The following BANP variants were observed in gnomAD, a reference collection of about 807,000 sequenced individuals.
BANP encodes the protein protein BANP.
In BANP, 11 loss-of-function variants were observed where a neutral mutation model predicts 68.1. The ratio of observed to expected loss-of-function variants is 0.16; its 90% CI spans 0.10 to 0.27. The LOEUF is 0.27. Ranked by LOEUF, BANP falls within the 10% of genes least tolerant of loss-of-function variation. BANP has a pLI of 1.00. For missense variants in BANP, 504 were observed against 722.7 expected, an observed-to-expected ratio of 0.70 and a Z score of 3.47; for synonymous variants, 329 against 303.2, an observed-to-expected ratio of 1.09 and a Z score of -0.88.
chr16:87,954,153 G>T (rs889067588), intron 1 of BANP, among the ~76,000 whole-genome samples: 2 of 152,164 alleles, frequency 1.3e-5, no homozygotes, highest in African/African-American at 4.8e-5. Flanking sequence ...TCTAGGTGGA[G>T]CCCTGGAGTT....
intron 11 of BANP, among the ~76,000 whole-genome samples, chr16:88,065,054 T>A (rs988348608): frequency 3.3e-5 from 5 of 152,200 alleles, no homozygotes; most frequent in African/African-American, 9.7e-5. Flanking sequence ...CTTTTGTTTC[T>A]GTTGTTTTTG....
At chr16:88,007,574 C>G (rs1488931902) in intron 6 of BANP, among the ~76,000 whole-genome samples, 1 of 151,296 alleles carries the variant, frequency 6.6e-6, no homozygotes, top group African/African-American at 2.5e-5. Flanking sequence ...AAGAACCAAA[C>G]AGACTTAGCT....
intron 3 of BANP, among the ~76,000 whole-genome samples, chr16:87,981,827 G>A (rs1299558569): frequency 6.6e-6 from 1 of 152,196 alleles, no homozygotes; most frequent in Admixed American, 6.5e-5. Flanking sequence ...TTTACTAGAT[G>A]GGGTTCTTGG....
chr16:87,991,859 C>A (rs534009994), intron 4 of BANP, among the ~76,000 whole-genome samples: 8 of 152,142 alleles, frequency 5.3e-5, no homozygotes, highest in African/African-American at 1.9e-4. Context: ...AATTTCTATA[C>A]CTTCTCTTAC....
intron 1 of BANP, among the ~76,000 whole-genome samples, chr16:87,954,962 A>G (rs1319481761): frequency 6.6e-6 from 1 of 152,208 alleles, no homozygotes; most frequent in Non-Finnish European, 1.5e-5. Flanking sequence ...GCCGTTCCAC[A>G]GCCGCCTCTG....
chr16:88,071,968 A>G lies in BANP; in HGVS notation c.1378-101A>G. On this transcript the variant is annotated intron_variant, in intron 12 of 13. Coordinates refer to ENST00000682872, the MANE Select transcript of BANP (RefSeq NM_001386991.1). The surrounding 1 kb of genome is among the most constrained non-coding windows in gnomAD (Gnocchi z 6.5). ...GCCGTGTCCCTGCCGCTCAGGGGACAGCACGTGTGGGCTGGGGTCTGCGGT... is the reference window on the plus strand; with the variant it reads ...GCCGTGTCCCTGCCGCTCAGGGGACGGCACGTGTGGGCTGGGGTCTGCGGT... 1.4e-6 allele frequency: 2 copies of G among 1,471,162 alleles called. No homozygotes were observed. The highest frequency in any genetic ancestry group is 9.2e-7 in the Non-Finnish European group (1 of 1,090,212). 91.1% of individuals were successfully genotyped at this position (1,471,162 alleles called of 1,614,324 possible).
chr16:88,001,602 T>C (rs1471501429), intron 4 of BANP, among the ~76,000 whole-genome samples: 1 of 152,280 alleles, frequency 6.6e-6, no homozygotes, highest in Non-Finnish European at 1.5e-5. Flanking sequence ...TCTGGCATTT[T>C]TTAAACATTA....
intron 1 of BANP, among the ~76,000 whole-genome samples, chr16:87,960,591 C>T (rs1247298174): frequency 6.6e-6 from 1 of 152,178 alleles, no homozygotes; most frequent in African/African-American, 2.4e-5. Context: ...GCTAACAAGA[C>T]GCATGACAGC....
At chr16:87,992,795 A>T (rs2066217728) in intron 4 of BANP, among the ~76,000 whole-genome samples, 1 of 151,924 alleles carries the variant, frequency 6.6e-6, no homozygotes, top group Non-Finnish European at 1.5e-5. Context: ...CTCCTCAAAA[A>T]AAAAAAACAC....
intron 2 of BANP, among the ~76,000 whole-genome samples, chr16:87,979,195 C>A (rs898304827): frequency 6.6e-6 from 1 of 152,112 alleles, no homozygotes; most frequent in Non-Finnish European, 1.5e-5. Flanking sequence ...CTGTTAAGAT[C>A]TTCGGAATGT....
rs75198035 is a variant in BANP at position 87,975,086 on chromosome 16, C to G, written c.-30C>G. The G allele has an allele frequency of 0.011, 16,720 of 1,591,256 alleles. 712 individuals are homozygous for G. In the Admixed American group the frequency reaches 0.13, roughly 12 times the overall value. On this transcript the variant is annotated 5_prime_UTR_variant, in exon 2 of 14. Coordinates refer to ENST00000682872, the MANE Select transcript of BANP (RefSeq NM_001386991.1). ...AGCCCCACTGTGAGTTGAACTCTTT[C>G]GTGTTGACCGGCCACTCTCCGTGCT...
chr16:87,976,229 G>A (rs1445142273), intron 2 of BANP, among the ~76,000 whole-genome samples: 1 of 152,162 alleles, frequency 6.6e-6, no homozygotes, highest in Non-Finnish European at 1.5e-5. Context: ...ATTTTTTTAA[G>A]ACGGTGACAG....
Position 88,076,821 on chromosome 16 carries a change from G to A in BANP, c.*160G>A, listed in dbSNP as rs912750811. 1.6e-6 allele frequency: 1 copy of A among 619,936 alleles called. No homozygotes were observed. Among genetic ancestry groups the A allele is most frequent in the African/African-American group, 1.9e-5 (1 of 53,758 alleles). The allele number at this position is 619,936 out of a possible 1,614,324, so 38.4% of individuals were successfully genotyped here. A position where few individuals can be genotyped will look rare whatever the true frequency, so the allele number is the denominator to read the frequency against. Reference sequence around the variant, plus strand: ...CGCGGGGAACAGCATCCTATCAACTGAAAGAGCAGCCGCCGCCGCCCCCAG... The same window carrying A: ...CGCGGGGAACAGCATCCTATCAACTAAAAGAGCAGCCGCCGCCGCCCCCAG... On this transcript the variant is annotated 3_prime_UTR_variant, in exon 14 of 14. Coordinates refer to ENST00000682872, the MANE Select transcript of BANP (RefSeq NM_001386991.1).
chr16:87,973,449 A>G (rs537265924), intron 1 of BANP, among the ~76,000 whole-genome samples: 4 of 152,324 alleles, frequency 2.6e-5, no homozygotes, highest in Admixed American at 6.5e-5. Context: ...TCTTCCACAA[A>G]TTGTTATCCC....
intron 1 of BANP, among the ~76,000 whole-genome samples, chr16:87,974,260 C>G (rs532374680): frequency 1.3e-5 from 2 of 152,314 alleles, no homozygotes; most frequent in African/African-American, 4.8e-5. Context: ...TTGAATGATG[C>G]AGCCTTATTT....
upstream of BANP, among the ~76,000 whole-genome samples, chr16:87,951,232 C>CG (rs1216211164): frequency 6.6e-6 from 1 of 152,140 alleles, no homozygotes; most frequent in African/African-American, 2.4e-5. Context: ...GGGCGAAAAA[C>CG]GGGGGGAAAA....
At chr16:87,969,472 CTGAT>C (rs895467898) in intron 1 of BANP, among the ~76,000 whole-genome samples, 5 of 151,358 alleles carry the variant, frequency 3.3e-5, no homozygotes, top group Admixed American at 6.6e-5. Context: ...TTTTGCCAAT[CTGAT>C]TGGTGAAAAA....
At chr16:87,984,317 T>G in intron 4 of BANP, 58 bp downstream of exon 4, 1 of 1,427,474 alleles carries the variant, frequency 7.0e-7, no homozygotes, top group Non-Finnish European at 9.5e-7. Context: ...GCGCGTCACC[T>G]CCTCGCCCAG....
chr16:88,047,049 T>G (rs1279246659), intron 11 of BANP, among the ~76,000 whole-genome samples: 2 of 150,044 alleles, frequency 1.3e-5, no homozygotes, highest in Non-Finnish European at 3.0e-5. Flanking sequence ...CTGGGCGACA[T>G]AGCGAGACTC....
Sources: gnomAD v4.1 joint callset for allele counts (sites outside exome capture counted in the v4.1 genomes callset) on GRCh38, gnomAD v4.1.1 for gene constraint, Gnocchi (gnomAD v3.1) non-coding constraint, MANE v1.5 for transcripts, NCBI Gene and HGNC (gene_info 2026-07-23, HGNC 2026-07-21) for gene names.